CHST11: variants seen among roughly 807,000 people sequenced by gnomAD.
CHST11 encodes C4S-1.
In CHST11, 9 loss-of-function variants were observed where a neutral mutation model predicts 30.4. The ratio of observed to expected loss-of-function variants is 0.30; its 90% CI spans 0.18 to 0.52. The LOEUF is 0.52. Ranked by LOEUF, CHST11 falls within the 20% of genes least tolerant of loss-of-function variation. The pLI is 0.97. For missense variants in CHST11, 348 were observed against 460.6 expected (o/e 0.76, Z 2.24); for synonymous variants, 152 against 187.8 (o/e 0.81, Z 1.56).
At chr12:104,474,963 G>T (rs577216518) in intron 1 of CHST11, among the ~76,000 whole-genome samples, 1 of 152,204 alleles carries the variant, frequency 6.6e-6, no homozygotes, top group South Asian at 2.1e-4. Context: ...TCATATTTTT[G>T]GGTTCTGAGT....
intron 2 of CHST11, among the ~76,000 whole-genome samples, chr12:104,741,370 T>G (rs2040345509): frequency 1.3e-5 from 2 of 152,138 alleles, no homozygotes; most frequent in South Asian, 4.1e-4. Flanking sequence ...TTCCTCTCAC[T>G]GGAAGCATGC....
chr12:104,693,900 G>A (rs2039921100), intron 2 of CHST11, among the ~76,000 whole-genome samples: 1 of 152,174 alleles, frequency 6.6e-6, no homozygotes, highest in African/African-American at 2.4e-5. Context: ...TCAAGGATCT[G>A]TCACTTTTTC....
chr12:104,532,530 C>G (rs953209608), intron 1 of CHST11, among the ~76,000 whole-genome samples: 1 of 152,028 alleles, frequency 6.6e-6, no homozygotes, highest in Non-Finnish European at 1.5e-5. Flanking sequence ...AGCGTCCATG[C>G]CCTCTCCAGG....
chr12:104,756,207 G>C (rs2040473124), intron 2 of CHST11, among the ~76,000 whole-genome samples: 1 of 152,228 alleles, frequency 6.6e-6, no homozygotes, highest in Non-Finnish European at 1.5e-5. Context: ...TCCGACAGTA[G>C]GGTGCCACCA....
rs548805992 is a variant in CHST11, at chr12:104,514,765, C to T, written c.118+57236C>T. On this transcript the variant is annotated intron_variant, in intron 1 of 2. Coordinates refer to ENST00000303694, the MANE Select transcript of CHST11 (RefSeq NM_018413.6). The stretch of plus-strand genomic sequence containing the variant: ...TGTGGGAACTAACAGAGCGACAAGT[C>T]ACTCGTTACCCCAGGATGGCAAGGT... Among the ~76,000 whole-genome samples, 17 of 152,298 alleles carry T rather than the reference C, an allele frequency of 1.1e-4. No individual in the cohort carries two copies. The South Asian group carries it at 1.9e-3, about 17-fold the overall frequency.
At chr12:104,627,736 A>C (rs573322206) in intron 2 of CHST11, among the ~76,000 whole-genome samples, 4 of 152,152 alleles carry the variant, frequency 2.6e-5, no homozygotes, top group Non-Finnish European at 5.9e-5. Context: ...GGATTGTAGA[A>C]GATTAGGGCT....
At position 104,621,215 on chromosome 12, in the gene CHST11, C is replaced by T. The variant is rs115182486; in HGVS notation, c.204+19224C>T. Among the ~76,000 whole-genome samples the T allele has an allele frequency of 8.3e-3, 1,264 of 152,306 alleles. 21 individuals carry two copies. Among genetic ancestry groups the T allele is most frequent in the African/African-American group, 0.029 (1,200 of 41,552 alleles). On this transcript the variant is annotated intron_variant, in intron 2 of 2. Coordinates refer to ENST00000303694, the MANE Select transcript of CHST11 (RefSeq NM_018413.6). ...GTTTGTGGGGGCATCTTGATCAAGG[C>T]CTAGGCAAAGGATCTGTTTGGAGAA... is the stretch of plus-strand genomic sequence containing the variant.
chr12:104,554,658 C>A (rs2136011885), intron 1 of CHST11, among the ~76,000 whole-genome samples: 1 of 152,314 alleles, frequency 6.6e-6, no homozygotes, highest in Middle Eastern at 3.4e-3. Flanking sequence ...CATCCCCTGC[C>A]TCTTTGCCAG....
chr12:104,691,882 G>A (rs11112169), intron 2 of CHST11, among the ~76,000 whole-genome samples: 3 of 152,140 alleles, frequency 2.0e-5, no homozygotes, highest in South Asian at 4.1e-4. Flanking sequence ...GACGAATTCC[G>A]AGTGTGTGGC....
chr12:104,587,893 A>G (rs1337269123), intron 1 of CHST11, among the ~76,000 whole-genome samples: 1 of 100,172 alleles, frequency 1.0e-5, no homozygotes. Context: ...GGGCTGGAGG[A>G]GATTAGGTTT....
At chr12:104,525,827 C>G (rs537471348) in intron 1 of CHST11, among the ~76,000 whole-genome samples, 2 of 150,616 alleles carry the variant, frequency 1.3e-5, no homozygotes, top group South Asian at 2.1e-4. Context: ...CCTGAGAAAT[C>G]GTAAGGTTTC....
intron 1 of CHST11, among the ~76,000 whole-genome samples, chr12:104,601,099 C>G (rs2038953895): frequency 6.6e-6 from 1 of 151,532 alleles, no homozygotes; most frequent in Non-Finnish European, 1.5e-5. Flanking sequence ...TTCCTTCCCT[C>G]TCTCCCAATT....
In CHST11 at chr12:104,475,688, A is replaced by ATATATATATATATATATTTATT. The variant is rs1555226434; in HGVS notation, c.118+18162_118+18163insATATATATATATATTTATTTAT. On this transcript the variant is annotated intron_variant, in intron 1 of 2. Coordinates refer to ENST00000303694, the MANE Select transcript of CHST11 (RefSeq NM_018413.6). ...TATATATATATATATATATATATAT[A>ATATATATATATATATATTTATT]TATTTCTGATTATGAAATTAATTCA... is the stretch of plus-strand genomic sequence containing the variant. Among the ~76,000 whole-genome samples the ATATATATATATATATATTTATT allele has an allele frequency of 3.3e-3, 256 of 78,336 alleles. 3 individuals carry two copies. Among genetic ancestry groups the ATATATATATATATATATTTATT allele is most frequent in the Non-Finnish European group, 6.5e-3 (225 of 34,398 alleles). 51.4% of individuals were successfully genotyped at this position (78,336 alleles called of 152,430 possible).
Position 104,600,440 on chromosome 12 carries a change from G to A in CHST11, c.119-1466G>A, listed in dbSNP as rs2038947553. On this transcript the variant is annotated intron_variant, in intron 1 of 2. Transcript: ENST00000303694. This position sits in a 1 kb window ranked among gnomAD's most constrained non-coding sequence, Gnocchi z 4.1. ...CTTCCTCCCAGGGGGATCTAAAATA[G>A]CTTCTGAAATTTGTCACCAACACTT... Among the ~76,000 whole-genome samples the A allele has an allele frequency of 6.6e-6, 1 of 152,192 alleles. No homozygotes were observed. Among genetic ancestry groups the A allele is most frequent in the Admixed American group, 6.5e-5 (1 of 15,282 alleles).
At chr12:104,589,356 G>A (rs901336603) in intron 1 of CHST11, among the ~76,000 whole-genome samples, 1 of 148,144 alleles carries the variant, frequency 6.8e-6, no homozygotes. Context: ...AGCCAAGATT[G>A]TACCACTGCA....
chr12:104,465,567 C>T (rs1203087701), intron 1 of CHST11, among the ~76,000 whole-genome samples: 5 of 152,184 alleles, frequency 3.3e-5, no homozygotes, highest in African/African-American at 7.2e-5. Context: ...ACATCTTCCT[C>T]TTTTGACATA....
At chr12:104,670,820 C>T (rs1331122639) in intron 2 of CHST11, among the ~76,000 whole-genome samples, 1 of 151,224 alleles carries the variant, frequency 6.6e-6, no homozygotes, top group Non-Finnish European at 1.5e-5. Flanking sequence ...CACACACCCA[C>T]ACATACATTC....
intron 1 of CHST11, among the ~76,000 whole-genome samples, chr12:104,532,254 C>T (rs1278971886): frequency 6.6e-6 from 1 of 152,168 alleles, no homozygotes; most frequent in African/African-American, 2.4e-5. Context: ...AGTGCCTTCC[C>T]TCTCCCTTTT....
chr12:104,523,477 G>A (rs2038093190), intron 1 of CHST11, among the ~76,000 whole-genome samples: 1 of 152,224 alleles, frequency 6.6e-6, no homozygotes, highest in Non-Finnish European at 1.5e-5. Flanking sequence ...TGAGCAAAGA[G>A]AAATATATCA....
Sources: gnomAD v4.1 joint callset for allele counts (sites outside exome capture counted in the v4.1 genomes callset) on GRCh38, gnomAD v4.1.1 for gene constraint, Gnocchi (gnomAD v3.1) non-coding constraint, MANE v1.5 for transcripts, NCBI Gene and HGNC (gene_info 2026-07-23, HGNC 2026-07-21) for gene names.